The following ASH1L variants were observed in gnomAD, a reference collection of about 807,000 sequenced individuals.
The protein encoded by ASH1L is histone-lysine N-methyltransferase ASH1L.
ASH1L carries 23 observed loss-of-function variants against 269.0 expected under a neutral mutation model. The ratio of observed to expected loss-of-function variants is 0.09; its 90% confidence interval spans 0.06 to 0.12. The LOEUF is 0.12. Ranked by LOEUF, ASH1L falls within the 10% of genes least tolerant of loss-of-function variation. The pLI, the probability that ASH1L is intolerant of heterozygous loss-of-function variation, is 1.00. For synonymous variants in ASH1L, 1,187 were observed against 1,253.5 expected, an observed-to-expected ratio of 0.95 and a Z score of 1.12; for missense variants, 2,912 against 3,567.8, an observed-to-expected ratio of 0.82 and a Z score of 4.68.
At chr1:155,348,923 C>T (rs936569302) in intron 19 of ASH1L, among the ~76,000 whole-genome samples, 11 of 149,488 alleles carry the variant, frequency 7.4e-5, no homozygotes, top group African/African-American at 1.5e-4. Context: ...CACACACACA[C>T]ACACACACAC....
chr1:155,433,136 T>C (rs894371160), intron 5 of ASH1L: 12 of 1,440,600 alleles, frequency 8.3e-6, no homozygotes, highest in East Asian at 7.5e-5. Context: ...ATAAAAATAT[T>C]TGACATTTCA....
intron 2 of ASH1L, among the ~76,000 whole-genome samples, chr1:155,517,718 A>C (rs1352847207): frequency 1.3e-5 from 2 of 152,124 alleles, no homozygotes; most frequent in Non-Finnish European, 2.9e-5. Context: ...TACTTGCAGA[A>C]AGACAGACAT....
intron 2 of ASH1L, among the ~76,000 whole-genome samples, chr1:155,490,243 T>C (rs948575360): frequency 1.3e-5 from 2 of 151,672 alleles, no homozygotes; most frequent in African/African-American, 2.4e-5. Context: ...GGATTACAGG[T>C]GTGAGCCACC....
At position 155,481,402 on chromosome 1, in the gene ASH1L, A is replaced by C; in HGVS notation, c.1468T>G (p.Leu490Val). 6.2e-7 allele frequency: 1 copy of C among 1,614,000 alleles called. No homozygotes were observed. The highest frequency in any genetic ancestry group is 8.5e-7 in the Non-Finnish European group (1 of 1,179,982). Reference sequence around the variant, plus strand: ...CCTTCATTAAACATTTCTTTCTCCAAATTAATGATTTCTTTTCGTACTGAG... The same window carrying C: ...CCTTCATTAAACATTTCTTTCTCCACATTAATGATTTCTTTTCGTACTGAG... Reference protein sequence around the residue: ...KFSVRKEIINLEKEMFNEGTC... With the variant: ...KFSVRKEIINVEKEMFNEGTC... Residue 490 changes from leucine (L) to valine (V), a missense_variant, in exon 3 of 28, where the codon TTG (leucine) becomes GTG (valine). Coordinates refer to ENST00000392403, the MANE Select transcript of ASH1L (RefSeq NM_018489.3).
intron 5 of ASH1L, 33 bp from the exon 6 acceptor site, chr1:155,415,956 T>C: frequency 2.1e-6 from 3 of 1,423,802 alleles, no homozygotes; most frequent in Non-Finnish European, 2.8e-6. Flanking sequence ...AATTTTATTA[T>C]GAAAAAAAAG....
intron 2 of ASH1L, among the ~76,000 whole-genome samples, chr1:155,490,718 A>C (rs1666717060): frequency 6.6e-6 from 1 of 151,794 alleles, no homozygotes; most frequent in African/African-American, 2.4e-5. Flanking sequence ...ACACTTTGGG[A>C]AGCTGAGGCA....
chr1:155,561,181 A>C (rs1446762200), intron 1 of ASH1L, among the ~76,000 whole-genome samples: 1 of 152,124 alleles, frequency 6.6e-6, no homozygotes, highest in Non-Finnish European at 1.5e-5. Flanking sequence ...TCAGTATCAC[A>C]AAAAAACTGA....
Position 155,511,742 on chromosome 1 carries a change from G to A in ASH1L, c.420+9358C>T, listed in dbSNP as rs376539005. ...CATAGTCTCGATCTCTTGACCTTGT[G>A]ATCCACCCACCTTGGCCTCCTAAAC... is the stretch of plus-strand genomic sequence containing the variant. On this transcript the variant is annotated intron_variant, in intron 2 of 27. Coordinates refer to ENST00000392403, the MANE Select transcript of ASH1L (RefSeq NM_018489.3). 1.3e-3 allele frequency among the ~76,000 whole-genome samples: 194 copies of A among 152,266 alleles called. 2 individuals carry two copies. Among genetic ancestry groups the A allele is most frequent in the African/African-American group, 3.8e-3 (158 of 41,574 alleles).
At chr1:155,551,132 G>A (rs1671170128) in intron 1 of ASH1L, among the ~76,000 whole-genome samples, 1 of 151,862 alleles carries the variant, frequency 6.6e-6, no homozygotes, top group South Asian at 2.1e-4. Flanking sequence ...TTATTTATTT[G>A]ACTCTTTTTT....
intron 5 of ASH1L, among the ~76,000 whole-genome samples, chr1:155,432,808 T>A (rs1291006802): frequency 6.6e-6 from 1 of 152,160 alleles, no homozygotes; most frequent in Non-Finnish European, 1.5e-5. Context: ...CAATCTAGGC[T>A]CACTGCAACC....
At chr1:155,470,985 A>ATTAATATTTTT (rs1665050583) in intron 3 of ASH1L, among the ~76,000 whole-genome samples, 1 of 152,250 alleles carries the variant, frequency 6.6e-6, no homozygotes, top group Non-Finnish European at 1.5e-5. Flanking sequence ...AACAAAAGAT[A>ATTAATATTTTT]TCTGAGCCTG....
chr1:155,357,118 C>CACAA (rs1435129953), intron 15 of ASH1L, among the ~76,000 whole-genome samples, 198 bp downstream of exon 15: 2 of 65,378 alleles, frequency 3.1e-5, no homozygotes, highest in African/African-American at 7.2e-5. Flanking sequence ...CACACACACA[C>CACAA]AAAAGGGTAA....
intron 7 of ASH1L, among the ~76,000 whole-genome samples, chr1:155,384,721 T>C (rs915087055): frequency 2.0e-5 from 3 of 152,110 alleles, no homozygotes. Context: ...TGTACTGAAA[T>C]GTGATTATGT....
intron 1 of ASH1L, among the ~76,000 whole-genome samples, chr1:155,547,092 A>G (rs1470499808): frequency 6.6e-6 from 1 of 151,118 alleles, no homozygotes; most frequent in Non-Finnish European, 1.5e-5. Flanking sequence ...AACTGGGACT[A>G]CAGGCATGTG....
intron 3 of ASH1L, among the ~76,000 whole-genome samples, chr1:155,473,453 T>C (rs935084170): frequency 6.6e-6 from 1 of 152,106 alleles, no homozygotes; most frequent in Non-Finnish European, 1.5e-5. Flanking sequence ...CTTCATCTTT[T>C]CCTGGAAGGT....
At chr1:155,497,654 T>C (rs1286422613) in intron 2 of ASH1L, among the ~76,000 whole-genome samples, 1 of 152,202 alleles carries the variant, frequency 6.6e-6, no homozygotes, top group Admixed American at 6.5e-5. Flanking sequence ...ACTTGGATTT[T>C]CAACTGTGTG....
intron 2 of ASH1L, among the ~76,000 whole-genome samples, chr1:155,495,816 G>A (rs745324607): frequency 6.6e-6 from 1 of 152,080 alleles, no homozygotes; most frequent in Non-Finnish European, 1.5e-5. Context: ...TGGACAACAT[G>A]GCAAAACTGT....
chr1:155,525,516 AC>A (rs767251132), intron 1 of ASH1L, among the ~76,000 whole-genome samples: 17 of 150,546 alleles, frequency 1.1e-4, no homozygotes, highest in Non-Finnish European at 2.1e-4. Flanking sequence ...GTGCCAGTTC[AC>A]CCAATCTACA....
chr1:155,535,467 A>G (rs1669989956), intron 1 of ASH1L, among the ~76,000 whole-genome samples: 1 of 152,048 alleles, frequency 6.6e-6, no homozygotes, highest in South Asian at 2.1e-4. Flanking sequence ...AAACATTACA[A>G]CATTATTTCT....
Sources: allele counts gnomAD v4.1 joint callset (sites outside exome capture counted in the v4.1 genomes callset), GRCh38; gene constraint gnomAD v4.1.1; transcripts MANE v1.5; gene names NCBI Gene and HGNC (gene_info 2026-07-23, HGNC 2026-07-21).